Variants in MID2 observed in about 807,000 individuals in gnomAD.
MID2 encodes midline 2.
MID2 carries 13 observed loss-of-function variants against 46.1 expected under a neutral mutation model. That is an observed-to-expected ratio of 0.28 (90% confidence interval 0.18 to 0.45). The LOEUF (loss-of-function observed/expected upper bound fraction) is 0.45. MID2 is among the 20% of genes least tolerant of loss of function. The probability of loss-of-function intolerance (pLI) is 1.00; values close to 1 mark genes in which losing one functional copy is unlikely to be tolerated. For missense variants in MID2, 431 were observed against 575.4 expected, an observed-to-expected ratio of 0.75 and a Z score of 2.57; for synonymous variants, 199 against 212.3, an observed-to-expected ratio of 0.94 and a Z score of 0.55.
intron 2 of MID2, among the ~76,000 whole-genome samples, chrX:107,845,525 A>ACACACTCTCTCTCTCTCTCTCTCT (rs1276957001): frequency 9.6e-5 from 7 of 72,946 alleles, no homozygotes; most frequent in African/African-American, 4.5e-4. Context: ...ACACACACAC[A>ACACACTCTCTCTCTCTCTCTCTCT]CTCTCTCTCT....
chrX:107,905,369 C>A, intron 4 of MID2, 109 bp from the exon 5 acceptor site: 1 of 636,602 alleles, frequency 1.6e-6, no homozygotes, highest in Non-Finnish European at 2.4e-6. Flanking sequence ...TATTAATAAA[C>A]CTTATTTTTA....
At chrX:107,895,228 G>T (rs1400658520) in intron 3 of MID2, 1 of 107,806 alleles carries the variant, frequency 9.3e-6, no homozygotes. Context: ...GGGGGGGGTG[G>T]ATAGTTCTAT....
At chrX:107,922,287 C>G (rs905860625) in intron 7 of MID2, among the ~76,000 whole-genome samples, 5 of 111,384 alleles carry the variant, frequency 4.5e-5, no homozygotes, top group African/African-American at 1.6e-4. Flanking sequence ...CTGAATTGCT[C>G]TGTCCACGCC....
intron 8 of MID2, 68 bp downstream of exon 8, chrX:107,924,572 A>T: frequency 9.2e-7 from 1 of 1,090,984 alleles, no homozygotes; most frequent in South Asian, 2.0e-5. Context: ...ACACAGCCTG[A>T]GCAGGCACTC....
intron 3 of MID2, among the ~76,000 whole-genome samples, chrX:107,862,595 G>A (rs777393682): frequency 8.9e-6 from 1 of 112,281 alleles, no homozygotes; most frequent in Admixed American, 9.4e-5. Context: ...CCTTCTGCAA[G>A]AATATCCAAA....
rs1931367828 is a variant in MID2, at chrX:107,842,428, C to T, written c.720+1043C>T. 1.8e-5 allele frequency among the ~76,000 whole-genome samples: 2 copies of T among 111,954 alleles called. 1 individual carries two copies. Among genetic ancestry groups the T allele is most frequent in the Non-Finnish European group, 3.8e-5 (2 of 53,178 alleles). On this transcript the variant is annotated intron_variant, in intron 2 of 9. Coordinates refer to ENST00000262843, the MANE Select transcript of MID2 (RefSeq NM_012216.4). ...GTTTAAACGGATAGTAAAATTACCA[C>T]TCCAAATAGAACCTGAGTACATAAG...
chrX:107,885,645 G>A lies in MID2; in HGVS notation c.817-18313G>A, dbSNP rs771660875. 4.8e-3 allele frequency among the ~76,000 whole-genome samples: 542 copies of A among 111,756 alleles called. 2 individuals carry two copies. The highest frequency in any genetic ancestry group is 8.3e-3 in the Non-Finnish European group (440 of 53,128). ...CCTTTGGGTATATACCCAGTAATGG[G>A]ATGGCTGGGACAAATGGTATTTCTA... On this transcript the variant is annotated intron_variant, in intron 3 of 9. Transcript: ENST00000262843.
At chrX:107,863,275 C>T (rs989867008) in intron 3 of MID2, among the ~76,000 whole-genome samples, 8 of 112,044 alleles carry the variant, frequency 7.1e-5, no homozygotes, top group African/African-American at 2.6e-4. Context: ...TAACACATGA[C>T]AGGGTTTAAG....
At chrX:107,859,233 C>T (rs1403117384) in intron 3 of MID2, among the ~76,000 whole-genome samples, 1 of 111,624 alleles carries the variant, frequency 9.0e-6, no homozygotes, top group Non-Finnish European at 1.9e-5. Context: ...AAAAACACTG[C>T]TATGGATGAT....
rs149286259 is a variant in MID2, at chrX:107,863,560, C to A, written c.816+8856C>A. ...GCTTAATTTTGGCTCCTCTTGTTTG[C>A]TCCACTATTTTCACAATCCACCCAA... is the stretch of plus-strand genomic sequence containing the variant. On this transcript the variant is annotated intron_variant, in intron 3 of 9. Coordinates refer to ENST00000262843, the MANE Select transcript of MID2 (RefSeq NM_012216.4). 1.5e-3 allele frequency among the ~76,000 whole-genome samples: 167 copies of A among 112,411 alleles called. 3 individuals carry two copies. The East Asian group carries it at 0.032, about 22-fold the overall frequency.
rs1933271682 is a variant in MID2 at position 107,930,954 on chromosome X, G to A, written c.*3881G>A. ...TAAAACCTGTTTTGAGAGTATGAAA[G>A]AAATTTTAATGCCACATTGAGGTTC... is the stretch of plus-strand genomic sequence containing the variant. On this transcript the variant is annotated 3_prime_UTR_variant, in exon 10 of 10. Transcript: ENST00000262843. Among the ~76,000 whole-genome samples, 1 of 112,351 alleles carries A rather than the reference G, an allele frequency of 8.9e-6. No homozygotes were observed. The highest frequency in any genetic ancestry group is 3.2e-5 in the African/African-American group (1 of 30,980).
chrX:107,826,118 T>C lies in MID2; in HGVS notation c.-309T>C, dbSNP rs1930934973. 3.4e-6 allele frequency: 1 copy of C among 296,649 alleles called. No individual in the cohort carries two copies. The highest frequency in any genetic ancestry group is 6.1e-5 in the Admixed American group (1 of 16,511). The allele number at this position is 296,649 out of a possible 1,213,427, so 24.4% of individuals were successfully genotyped here. On this transcript the variant is annotated 5_prime_UTR_variant, in exon 1 of 10. An upstream start codon of the reference 5' UTR is lost. Coordinates refer to ENST00000262843, the MANE Select transcript of MID2 (RefSeq NM_012216.4). ...ACAGTGTGGTGCTGCCGTGGTGTCATGGTGCTGCCCCTGGACTGAGGGGCG... is the reference window on the plus strand; with the variant it reads ...ACAGTGTGGTGCTGCCGTGGTGTCACGGTGCTGCCCCTGGACTGAGGGGCG...
At chrX:107,923,157 T>A (rs1933104582) in intron 7 of MID2, among the ~76,000 whole-genome samples, 1 of 111,938 alleles carries the variant, frequency 8.9e-6, no homozygotes, top group Admixed American at 9.5e-5. Context: ...TGCAAAACAT[T>A]CATGACTTAT....
At chrX:107,924,922 T>G (rs746183834) in intron 8 of MID2, among the ~76,000 whole-genome samples, 1 of 112,209 alleles carries the variant, frequency 8.9e-6, no homozygotes, top group South Asian at 3.7e-4. Context: ...AAATGAATAG[T>G]ATATATTTTA....
At chrX:107,894,872 A>AGAGC (rs1932691406) in intron 3 of MID2, 1 of 105,785 alleles carries the variant, frequency 9.5e-6, no homozygotes, top group African/African-American at 3.6e-5. Flanking sequence ...TGTGAAAGAG[A>AGAGC]GAGAGAGAGA....
chrX:107,896,770 G>A (rs1196178852), intron 3 of MID2, among the ~76,000 whole-genome samples: 2 of 110,422 alleles, frequency 1.8e-5, no homozygotes, highest in Non-Finnish European at 1.9e-5. Flanking sequence ...CAACTCTAAA[G>A]GAAAAAGAAG....
chrX:107,876,936 C>G (rs964340759), intron 3 of MID2, among the ~76,000 whole-genome samples: 2 of 111,181 alleles, frequency 1.8e-5, no homozygotes, highest in Non-Finnish European at 3.8e-5. Context: ...GGGGCTTGTC[C>G]AGGGTGAAGA....
In MID2 at chrX:107,924,494, A is replaced by G. The variant is rs1333358724; in HGVS notation, c.1587A>G (p.Leu529=). ...GCCGGAACAGTGAACCTACCCGACT[A>G]AAAACAAACAGTACGTTGTGGTGAT... ...AGSRNSEPTR[L]KTNSQPFKLD... The change falls in exon 8 of 10, where the codon CTA becomes CTG. Residue 529 remains leucine, a synonymous_variant. Transcript: ENST00000262843. The G allele has an allele frequency of 2.5e-6, 3 of 1,211,311 alleles. No homozygotes were observed. Among genetic ancestry groups the G allele is most frequent in the Non-Finnish European group, 2.2e-6 (2 of 894,968 alleles).
At chrX:107,876,130 T>A (rs1302886956) in intron 3 of MID2, among the ~76,000 whole-genome samples, 2 of 111,413 alleles carry the variant, frequency 1.8e-5, no homozygotes, top group Non-Finnish European at 3.8e-5. Context: ...TCTGTAGCAG[T>A]TAACAGGTGC....
Sources: gnomAD v4.1 joint callset for allele counts (sites outside exome capture counted in the v4.1 genomes callset) on GRCh38, gnomAD v4.1.1 for gene constraint, MANE v1.5 for transcripts, NCBI Gene and HGNC (gene_info 2026-07-23, HGNC 2026-07-21) for gene names.